FOXRED2: variants seen among roughly 807,000 people sequenced by gnomAD.
FOXRED2 encodes the protein FAD-dependent oxidoreductase domain-containing protein 2.
FOXRED2 carries 32 observed loss-of-function variants against 52.5 expected under a neutral mutation model. The ratio of observed to expected loss-of-function variants is 0.61; its 90% CI spans 0.46 to 0.82. The LOEUF (loss-of-function observed/expected upper bound fraction) is 0.82. FOXRED2 is among the 40% of genes least tolerant of loss of function. The pLI is 0.00. For missense variants in FOXRED2, 848 were observed against 937.5 expected, an observed-to-expected ratio of 0.90 and a Z score of 1.25; for synonymous variants, 405 against 398.1, an observed-to-expected ratio of 1.02 and a Z score of -0.21.
intron 4 of FOXRED2, among the ~76,000 whole-genome samples, chr22:36,502,687 CCTCT>C (rs753516299): frequency 2.0e-5 from 3 of 151,854 alleles, no homozygotes; most frequent in Non-Finnish European, 4.4e-5. Context: ...TTCCTTCTCT[CCTCT>C]CTCTTTTTTT....
intron 5 of FOXRED2, among the ~76,000 whole-genome samples, chr22:36,498,897 G>C (rs1384787957): frequency 1.3e-5 from 2 of 151,102 alleles, no homozygotes; most frequent in Non-Finnish European, 2.9e-5. Flanking sequence ...TATTATTGTA[G>C]TCCTCTAACC....
chr22:36,504,884 G>T (rs1934154080), intron 2 of FOXRED2, 118 bp from the exon 3 acceptor site: 2 of 1,010,092 alleles, frequency 2.0e-6, no homozygotes, highest in East Asian at 2.6e-5. Context: ...GCCCCTAAAA[G>T]AAAATAGGAC....
chr22:36,500,673 T>C (rs1934019720), intron 5 of FOXRED2, among the ~76,000 whole-genome samples: 1 of 148,334 alleles, frequency 6.7e-6, no homozygotes, highest in African/African-American at 2.5e-5. Context: ...AACCTCCACC[T>C]CCTGGGTTCA....
chr22:36,501,021 C>A (rs1447735196), intron 5 of FOXRED2, among the ~76,000 whole-genome samples: 1 of 152,154 alleles, frequency 6.6e-6, no homozygotes. Flanking sequence ...TCCCAAGTAG[C>A]TAGGACTACA....
chr22:36,497,959 C>T (rs374657268), intron 6 of FOXRED2, 32 bp downstream of exon 6: 12 of 1,598,498 alleles, frequency 7.5e-6, no homozygotes, highest in Admixed American at 6.8e-5. Flanking sequence ...AAAGCTGGGC[C>T]GAGGGGAGTA....
Position 36,498,173 on chromosome 22 carries a change from G to T in FOXRED2, c.1217-17C>A. On this transcript the variant is annotated splice_polypyrimidine_tract_variant and intron_variant, in intron 5 of 8. Coordinates refer to ENST00000397224, the MANE Select transcript of FOXRED2 (RefSeq NM_001102371.2). The stretch of plus-strand genomic sequence containing the variant: ...CAGCACGCACTGGAACAGCCAGAGG[G>T]AGGAACGGCACGCTGCACTTACCAT... 1 of 1,605,746 alleles carries T rather than the reference G, an allele frequency of 6.2e-7. No homozygotes were observed. Among genetic ancestry groups the T allele is most frequent in the South Asian group, 1.1e-5 (1 of 90,816 alleles).
chr22:36,492,839 G>A (rs532678961), intron 8 of FOXRED2, among the ~76,000 whole-genome samples: 1 of 152,314 alleles, frequency 6.6e-6, no homozygotes, highest in East Asian at 1.9e-4. Flanking sequence ...TTCTTGAGAA[G>A]GTGTGCATTT....
rs1483036248 is a variant in FOXRED2, at chr22:36,490,124, TGGGGGCATA to T, written c.1930_1938del (p.Tyr644_Pro646del). Reference sequence around the variant, plus strand: ...CTGCTGTCCTCCAGGCGCCTGCCTGTGGGGGCATAGTCCCGCAGGAGCCTGCTCTCCACT... The same window carrying T: ...CTGCTGTCCTCCAGGCGCCTGCCTGTGTCCCGCAGGAGCCTGCTCTCCACT... On this transcript the variant is annotated inframe_deletion, in exon 9 of 9. Coordinates refer to ENST00000397224, the MANE Select transcript of FOXRED2 (RefSeq NM_001102371.2). 1 of 1,613,876 alleles carries T rather than the reference TGGGGGCATA, an allele frequency of 6.2e-7. No individual in the cohort carries two copies. Among genetic ancestry groups the T allele is most frequent in the Admixed American group, 1.7e-5 (1 of 59,986 alleles).
At chr22:36,495,910 T>C in intron 7 of FOXRED2, 57 bp downstream of exon 7, 1 of 1,590,504 alleles carries the variant, frequency 6.3e-7, no homozygotes, top group Non-Finnish European at 8.6e-7. Context: ...GTGACAACCT[T>C]GCAGACGGTG....
intron 5 of FOXRED2, among the ~76,000 whole-genome samples, chr22:36,499,268 C>G (rs1020461999): frequency 3.9e-5 from 6 of 152,096 alleles, no homozygotes; most frequent in African/African-American, 1.4e-4. Flanking sequence ...TATTGAATGT[C>G]TTTGAGTGGC....
At chr22:36,490,783 A>G (rs1933736174) in intron 8 of FOXRED2, among the ~76,000 whole-genome samples, 1 of 152,254 alleles carries the variant, frequency 6.6e-6, no homozygotes, top group Admixed American at 6.5e-5. Flanking sequence ...GTATATCCTC[A>G]TCTGTCCCAC....
chr22:36,496,211 G>A lies in FOXRED2; in HGVS notation c.1383-3C>T. On this transcript the variant is annotated splice_polypyrimidine_tract_variant and splice_region_variant and intron_variant, in intron 6 of 8. Coordinates refer to ENST00000397224, the MANE Select transcript of FOXRED2 (RefSeq NM_001102371.2). ...GGTACTCAAAGGCCGTGGAATTCCTGGGAGAACAGCAACGCGGGGGAGGCC... is the reference window on the plus strand; with the variant it reads ...GGTACTCAAAGGCCGTGGAATTCCTAGGAGAACAGCAACGCGGGGGAGGCC... 1 of 1,613,432 alleles carries A rather than the reference G, an allele frequency of 6.2e-7. No individual in the cohort carries two copies. The highest frequency in any genetic ancestry group is 8.5e-7 in the Non-Finnish European group (1 of 1,179,976).
chr22:36,501,803 G>A (rs1342108785), intron 4 of FOXRED2, among the ~76,000 whole-genome samples: 1 of 152,128 alleles, frequency 6.6e-6, no homozygotes, highest in Non-Finnish European at 1.5e-5. Flanking sequence ...GGCACTGAGT[G>A]CCTTAGATTT....
chr22:36,496,919 G>A (rs774015427), intron 6 of FOXRED2, among the ~76,000 whole-genome samples: 1 of 152,156 alleles, frequency 6.6e-6, no homozygotes, highest in African/African-American at 2.4e-5. Context: ...GCTGACTCAC[G>A]CCTGTAATCT....
Position 36,488,422 on chromosome 22 carries a change from C to G in FOXRED2, c.*1586G>C, listed in dbSNP as rs909379183. The G allele has an allele frequency of 1.4e-5, 2 of 146,068 alleles. No individual in the cohort carries two copies. The highest frequency in any genetic ancestry group is 3.0e-5 in the Non-Finnish European group (2 of 66,858). 9.0% of individuals were successfully genotyped at this position (146,068 alleles called of 1,614,324 possible). On this transcript the variant is annotated 3_prime_UTR_variant, in exon 9 of 9. Transcript: ENST00000397224. ...GACAGGCATGCTCCACCATGCCCAGCTAATTTTTTTTACCGTTAGTAGAGA... is the reference window on the plus strand; with the variant it reads ...GACAGGCATGCTCCACCATGCCCAGGTAATTTTTTTTACCGTTAGTAGAGA...
rs541182392 is a variant in FOXRED2 at position 36,495,923 on chromosome 22, G to C, written c.1624+44C>G. ...GGGTGACAACCTTGCAGACGGTGAG[G>C]TCTGAGGAGCCCACAGGTTGGGGAA... On this transcript the variant is annotated intron_variant, in intron 7 of 8. Transcript: ENST00000397224. 7.5e-6 allele frequency: 12 copies of C among 1,605,684 alleles called. No individual in the cohort carries two copies. In the African/African-American group the frequency reaches 1.5e-4, roughly 20 times the overall value.
In FOXRED2 at chr22:36,488,810, A is replaced by C. The variant is rs746649267; in HGVS notation, c.*1198T>G. The C allele has an allele frequency of 1.3e-5, 2 of 152,122 alleles. No homozygotes were observed. The highest frequency in any genetic ancestry group is 2.9e-5 in the Non-Finnish European group (2 of 68,030). 9.4% of individuals were successfully genotyped at this position (152,122 alleles called of 1,614,324 possible). A position where few individuals can be genotyped will look rare whatever the true frequency, so the allele number is the denominator to read the frequency against. ...TGGTCAGGCTGGTCTCAAACTCCTG[A>C]CCTCAGGTGATCCACCTGCCTGGGC... On this transcript the variant is annotated 3_prime_UTR_variant, in exon 9 of 9. Coordinates refer to ENST00000397224, the MANE Select transcript of FOXRED2 (RefSeq NM_001102371.2).
intron 1 of FOXRED2, 42 bp from the exon 2 acceptor site, chr22:36,506,465 CG>C (rs999160787): frequency 1.5e-5 from 21 of 1,409,998 alleles, no homozygotes; most frequent in Middle Eastern, 5.2e-4. Flanking sequence ...CCCGGCCCGG[CG>C]GCTGGGAGAC....
At chr22:36,497,904 C>A in intron 6 of FOXRED2, 87 bp downstream of exon 6, 1 of 1,436,682 alleles carries the variant, frequency 7.0e-7, no homozygotes. Flanking sequence ...GAACTGGGCA[C>A]CTCACACCTG....
Sources: allele counts gnomAD v4.1 joint callset (sites outside exome capture counted in the v4.1 genomes callset), GRCh38; gene constraint gnomAD v4.1.1; transcripts MANE v1.5; gene names NCBI Gene and HGNC (gene_info 2026-07-23, HGNC 2026-07-21).